CSMD1: variants seen among roughly 807,000 people sequenced by gnomAD.
The protein encoded by CSMD1 is CUB and sushi domain-containing protein 1.
In CSMD1, 213 loss-of-function variants were observed where a neutral mutation model predicts 417.5. The observed-to-expected ratio is 0.51, with a 90% CI of 0.46 to 0.57. The LOEUF is 0.57. Ranked by LOEUF, CSMD1 falls within the 20% of genes least tolerant of loss-of-function variation. CSMD1 has a pLI of 0.00. For missense variants in CSMD1, 6,923 were observed against 4,529.7 expected (o/e 1.53, Z -15.17); for synonymous variants, 2,862 against 1,736.8 (o/e 1.65, Z -16.11).
At chr8:4,232,281 C>A (rs934456323) in intron 3 of CSMD1, among the ~76,000 whole-genome samples, 1 of 152,180 alleles carries the variant, frequency 6.6e-6, no homozygotes, top group African/African-American at 2.4e-5. Flanking sequence ...TCACTGCAAC[C>A]TCCGCCTCCC....
rs190444416 is a variant in CSMD1 at position 3,543,399 on chromosome 8, G to T, written c.1344+31546C>A. On this transcript the variant is annotated intron_variant, in intron 10 of 69. Transcript: ENST00000635120. ...GAAAATAATCACTCGTTTCTGTGTTGAGAACAGAATGAACAGGGGCAAGTG... is the reference window on the plus strand; with the variant it reads ...GAAAATAATCACTCGTTTCTGTGTTTAGAACAGAATGAACAGGGGCAAGTG... Among the ~76,000 whole-genome samples the T allele has an allele frequency of 2.4e-3, 370 of 152,284 alleles. 2 individuals carry two copies. The highest frequency in any genetic ancestry group is 3.7e-3 in the Non-Finnish European group (255 of 68,028).
chr8:4,628,798 C>A (rs530082338), intron 2 of CSMD1, among the ~76,000 whole-genome samples: 4 of 151,984 alleles, frequency 2.6e-5, no homozygotes, highest in Admixed American at 6.6e-5. Context: ...ATCACTACAA[C>A]CTGTTAAAAT....
At chr8:3,136,588 C>G (rs559084083) in intron 41 of CSMD1, among the ~76,000 whole-genome samples, 35 of 151,906 alleles carry the variant, frequency 2.3e-4, no homozygotes, top group Non-Finnish European at 1.6e-4. Context: ...TTTCTGGTAG[C>G]GACGGAAGAG....
At chr8:4,006,881 G>A (rs899800604) in intron 4 of CSMD1, among the ~76,000 whole-genome samples, 1 of 135,450 alleles carries the variant, frequency 7.4e-6, no homozygotes, top group Non-Finnish European at 1.5e-5. Context: ...AGGCTGGAGT[G>A]CAGTGGCGTG....
intron 5 of CSMD1, among the ~76,000 whole-genome samples, chr8:3,803,502 C>A (rs1800569948): frequency 6.6e-6 from 1 of 152,088 alleles, no homozygotes. Flanking sequence ...CAAGAAGAGC[C>A]CATGCACAGA....
chr8:2,993,394 G>T (rs1211976066), intron 54 of CSMD1, among the ~76,000 whole-genome samples: 1 of 152,092 alleles, frequency 6.6e-6, no homozygotes, highest in Non-Finnish European at 1.5e-5. Flanking sequence ...GCAGCAGAGG[G>T]GGCTACTGTC....
At chr8:3,134,538 C>T (rs1349571210) in intron 41 of CSMD1, among the ~76,000 whole-genome samples, 1 of 152,220 alleles carries the variant, frequency 6.6e-6, no homozygotes, top group African/African-American at 2.4e-5. Flanking sequence ...AGTTTTCCCA[C>T]AGTGGCCGTT....
intron 3 of CSMD1, among the ~76,000 whole-genome samples, chr8:4,350,010 A>C (rs1800998952): frequency 6.6e-6 from 1 of 152,098 alleles, no homozygotes; most frequent in Admixed American, 6.6e-5. Flanking sequence ...TGAGCCCTGG[A>C]ATCTTGTCTT....
chr8:3,749,859 T>C (rs906605028), intron 6 of CSMD1, among the ~76,000 whole-genome samples: 3 of 152,172 alleles, frequency 2.0e-5, no homozygotes, highest in African/African-American at 7.2e-5. Context: ...TTCGCGGTGG[T>C]TGACAATGGT....
intron 6 of CSMD1, among the ~76,000 whole-genome samples, chr8:3,717,017 G>A (rs904348169): frequency 2.6e-5 from 4 of 152,012 alleles, no homozygotes; most frequent in African/African-American, 9.7e-5. Flanking sequence ...AAAAAATAAA[G>A]GTCACAAAGC....
intron 3 of CSMD1, among the ~76,000 whole-genome samples, chr8:4,098,764 G>T (rs931861092): frequency 6.6e-6 from 1 of 152,132 alleles, no homozygotes; most frequent in East Asian, 1.9e-4. Context: ...TTGTCAGACA[G>T]GGATAGAATT....
chr8:3,785,710 C>A (rs556236571), intron 5 of CSMD1, among the ~76,000 whole-genome samples: 7 of 152,232 alleles, frequency 4.6e-5, no homozygotes, highest in Non-Finnish European at 7.4e-5. Flanking sequence ...CACGTGCTAC[C>A]AAGAAGTGAG....
intron 1 of CSMD1, among the ~76,000 whole-genome samples, chr8:4,702,977 A>G (rs1436119665): frequency 6.6e-6 from 1 of 152,146 alleles, no homozygotes. Flanking sequence ...AAAAGTAGGT[A>G]CTCTCAAAAA....
intron 3 of CSMD1, among the ~76,000 whole-genome samples, chr8:4,226,864 G>C (rs1422020194): frequency 6.6e-6 from 1 of 152,174 alleles, no homozygotes; most frequent in Admixed American, 6.5e-5. Flanking sequence ...CCTGTCTTTA[G>C]TTTGGGAATA....
chr8:4,958,317 A>G (rs1367301670), intron 1 of CSMD1, among the ~76,000 whole-genome samples: 1 of 152,182 alleles, frequency 6.6e-6, no homozygotes, highest in Non-Finnish European at 1.5e-5. Flanking sequence ...TTTTACAAAT[A>G]TTTCCAATTG....
intron 3 of CSMD1, among the ~76,000 whole-genome samples, chr8:4,182,024 CCG>C (rs1491245584): frequency 1.4e-4 from 17 of 119,460 alleles, no homozygotes; most frequent in African/African-American, 4.8e-4. Context: ...TCATACACAC[CCG>C]TGTGTGTGTG....
At chr8:3,529,140 T>A (rs1797874468) in intron 10 of CSMD1, among the ~76,000 whole-genome samples, 1 of 152,184 alleles carries the variant, frequency 6.6e-6, no homozygotes, top group African/African-American at 2.4e-5. Flanking sequence ...AATATCCAAT[T>A]GTGTAGTAAA....
intron 6 of CSMD1, among the ~76,000 whole-genome samples, chr8:3,711,331 G>A (rs1442071985): frequency 1.3e-5 from 2 of 152,114 alleles, no homozygotes; most frequent in Non-Finnish European, 2.9e-5. Context: ...CGAGGAGGTG[G>A]GCCACCCAGA....
At chr8:3,873,704 A>AAAATAAAT (rs1192628822) in intron 5 of CSMD1, among the ~76,000 whole-genome samples, 1 of 152,228 alleles carries the variant, frequency 6.6e-6, no homozygotes, top group Non-Finnish European at 1.5e-5. Context: ...ATAAAAGTTA[A>AAAATAAAT]AAATAAATAA....
Sources: allele counts gnomAD v4.1 joint callset (sites outside exome capture counted in the v4.1 genomes callset), GRCh38; gene constraint gnomAD v4.1.1; transcripts MANE v1.5; gene names NCBI Gene and HGNC (gene_info 2026-07-23, HGNC 2026-07-21).